The following ADAMTS19 variants were observed in gnomAD, a reference collection of about 807,000 sequenced individuals.
ADAMTS19 encodes the protein A disintegrin and metalloproteinase with thrombospondin motifs 19.
Under a neutral mutation model 153.3 loss-of-function variants are expected in ADAMTS19, and 93 were observed. That is an observed-to-expected ratio of 0.61 (90% confidence interval 0.51 to 0.72). The LOEUF is 0.72. Ranked by LOEUF, ADAMTS19 falls within the 30% of genes least tolerant of loss-of-function variation. ADAMTS19 has a pLI of 0.00. For missense variants in ADAMTS19, 1,482 were observed against 1,552.1 expected (o/e 0.95, Z 0.76); for synonymous variants, 600 against 556.6 (o/e 1.08, Z -1.10).
intron 16 of ADAMTS19, among the ~76,000 whole-genome samples, chr5:129,666,838 T>C (rs1478030565): frequency 6.6e-6 from 1 of 151,982 alleles, no homozygotes; most frequent in East Asian, 1.9e-4. Context: ...CAAGTTGTTA[T>C]TACACTTGCA....
chr5:129,625,367 G>T (rs932289765), intron 10 of ADAMTS19, among the ~76,000 whole-genome samples: 11 of 152,152 alleles, frequency 7.2e-5, no homozygotes, highest in African/African-American at 2.4e-4. Context: ...TGGGATCACT[G>T]TGTCAAATGG....
At chr5:129,658,350 A>AG (rs1561632416) in intron 14 of ADAMTS19, among the ~76,000 whole-genome samples, 1,767 of 150,188 alleles carry the variant, frequency 0.012, 44 homozygotes, top group East Asian at 0.018. Context: ...AGAAAGAAAG[A>AG]AAGAAAGAAA....
chr5:129,501,422 T>A (rs1751102752), intron 2 of ADAMTS19, among the ~76,000 whole-genome samples: 1 of 152,254 alleles, frequency 6.6e-6, no homozygotes, highest in South Asian at 2.1e-4. Flanking sequence ...TGTCTTTTGC[T>A]TTGGGAGGGA....
At chr5:129,698,133 A>G (rs1370345312) in intron 19 of ADAMTS19, among the ~76,000 whole-genome samples, 9 of 152,180 alleles carry the variant, frequency 5.9e-5, no homozygotes, top group Non-Finnish European at 1.2e-4. Flanking sequence ...TGAGTGAGAA[A>G]TTTTTGCAGC....
rs146226746 is a variant in ADAMTS19 at position 129,480,282 on chromosome 5, A to T, written c.747+18525A>T. Among the ~76,000 whole-genome samples the T allele has an allele frequency of 7.2e-4, 109 of 152,302 alleles. 2 individuals carry two copies. Among genetic ancestry groups the T allele is most frequent in the African/African-American group, 2.5e-3 (105 of 41,586 alleles). On this transcript the variant is annotated intron_variant, in intron 2 of 22. Transcript: ENST00000274487. ...GACAGCTGCCTCACAACAGCCACAA[A>T]CATTAATTTGAATAAACTATAAATC...
chr5:129,577,992 CTTT>C (rs1328263771), intron 7 of ADAMTS19, among the ~76,000 whole-genome samples: 1 of 145,236 alleles, frequency 6.9e-6, no homozygotes, highest in Non-Finnish European at 1.5e-5. Context: ...TAATCGTCTT[CTTT>C]TTTTCTTTAG....
At chr5:129,554,758 A>G (rs1456242150) in intron 7 of ADAMTS19, among the ~76,000 whole-genome samples, 1 of 152,112 alleles carries the variant, frequency 6.6e-6, no homozygotes, top group African/African-American at 2.4e-5. Context: ...AGGCATAAAA[A>G]TATTCCCTGA....
At chr5:129,658,390 G>C (rs141356041) in intron 14 of ADAMTS19, among the ~76,000 whole-genome samples, 7 of 144,848 alleles carry the variant, frequency 4.8e-5, no homozygotes, top group South Asian at 2.3e-4. Flanking sequence ...AGGAAGGAAG[G>C]TAGGTAGGTT....
At position 129,578,095 on chromosome 5, in the gene ADAMTS19, TAC is replaced by T. The variant is rs751639615; in HGVS notation, c.1373-18462_1373-18461del. 8.1e-3 allele frequency among the ~76,000 whole-genome samples: 334 copies of T among 41,070 alleles called. 16 individuals carry two copies. The highest frequency in any genetic ancestry group is 0.039 in the South Asian group (37 of 938). 26.9% of individuals were successfully genotyped at this position (41,070 alleles called of 152,430 possible). ...ACACACACACATATATACATATACA[TAC>T]ATATACATATGCATGTATATGTACG... is the stretch of plus-strand genomic sequence containing the variant. On this transcript the variant is annotated intron_variant, in intron 7 of 22. Coordinates refer to ENST00000274487, the MANE Select transcript of ADAMTS19 (RefSeq NM_133638.6).
chr5:129,527,084 A>T (rs73246874), intron 4 of ADAMTS19, among the ~76,000 whole-genome samples: 7,491 of 151,814 alleles, frequency 0.049, 594 homozygotes, highest in African/African-American at 0.17. Flanking sequence ...GGCCTACTGG[A>T]GTTGATGATT....
intron 14 of ADAMTS19, among the ~76,000 whole-genome samples, chr5:129,658,351 A>AAGAAAGAAAGAAAGAAAGAGAGAGAGAG (rs1561632434): frequency 7.5e-6 from 1 of 133,138 alleles, no homozygotes; most frequent in Non-Finnish European, 1.6e-5. Flanking sequence ...GAAAGAAAGA[A>AAGAAAGAAAGAAAGAAAGAGAGAGAGAG]AGAAAGAAAG....
chr5:129,468,841 A>G (rs764118215), intron 2 of ADAMTS19, among the ~76,000 whole-genome samples: 1 of 151,612 alleles, frequency 6.6e-6, no homozygotes. Flanking sequence ...CAGTGGGGCA[A>G]TCTTGGCTCA....
intron 21 of ADAMTS19, among the ~76,000 whole-genome samples, chr5:129,733,957 G>A (rs1353300325): frequency 1.1e-4 from 1 of 9,012 alleles, no homozygotes; most frequent in Non-Finnish European, 4.2e-4. Context: ...GTGTGTGTGT[G>A]TGTGTGTGTG....
chr5:129,669,682 T>G (rs921255864), intron 16 of ADAMTS19, among the ~76,000 whole-genome samples: 1 of 152,128 alleles, frequency 6.6e-6, no homozygotes, highest in Admixed American at 6.6e-5. Context: ...TTTGAGATCT[T>G]TCTTCTTTTT....
intron 21 of ADAMTS19, among the ~76,000 whole-genome samples, chr5:129,716,263 T>C (rs1025383056): frequency 1.3e-5 from 2 of 152,098 alleles, no homozygotes; most frequent in Non-Finnish European, 2.9e-5. Flanking sequence ...AGTGGTGCAA[T>C]CTCAGCTCAC....
intron 2 of ADAMTS19, among the ~76,000 whole-genome samples, chr5:129,469,266 A>G (rs1749983025): frequency 6.6e-6 from 1 of 152,196 alleles, no homozygotes; most frequent in Admixed American, 6.5e-5. Context: ...TTTAGTATTT[A>G]TGCTGAAAAG....
At chr5:129,503,307 T>C (rs542404534) in intron 2 of ADAMTS19, among the ~76,000 whole-genome samples, 166 of 152,244 alleles carry the variant, frequency 1.1e-3, no homozygotes, top group South Asian at 2.9e-3. Flanking sequence ...AGGATAGATA[T>C]GGTGTCAGAA....
chr5:129,705,482 T>C (rs1756107980), intron 21 of ADAMTS19, among the ~76,000 whole-genome samples: 1 of 152,202 alleles, frequency 6.6e-6, no homozygotes, highest in South Asian at 2.1e-4. Context: ...CATATTAATA[T>C]TGCATCTGAG....
chr5:129,689,327 G>A (rs538216907), intron 18 of ADAMTS19, among the ~76,000 whole-genome samples: 28 of 152,246 alleles, frequency 1.8e-4, no homozygotes, highest in African/African-American at 6.5e-4. Flanking sequence ...CCAAGTTGAG[G>A]AAAACATTTC....
Sources: allele counts gnomAD v4.1 joint callset (sites outside exome capture counted in the v4.1 genomes callset), GRCh38; gene constraint gnomAD v4.1.1; transcripts MANE v1.5; gene names NCBI Gene and HGNC (gene_info 2026-07-23, HGNC 2026-07-21).